The following SCFD1 variants were observed in gnomAD, a reference collection of about 807,000 sequenced individuals.
SCFD1 encodes the protein sec1 family domain-containing protein 1.
A neutral mutation model predicts 103.2 loss-of-function variants in SCFD1; 37 were observed. The observed-to-expected ratio is 0.36, with a 90% CI of 0.28 to 0.47. The LOEUF is 0.47. Among genes scored for constraint, SCFD1 ranks in the 20% least tolerant of loss-of-function variants. The pLI, the probability that SCFD1 is intolerant of heterozygous loss-of-function variation, is 1.00. For synonymous variants in SCFD1, 264 were observed against 245.0 expected (o/e 1.08, Z -0.73); for missense variants, 639 against 761.2 (o/e 0.84, Z 1.89).
chr14:30,670,722 A>AT (rs919928776), intron 11 of SCFD1, among the ~76,000 whole-genome samples: 5 of 151,664 alleles, frequency 3.3e-5, no homozygotes. Flanking sequence ...GGCTTTTGTG[A>AT]TTTTGGGGGT....
At chr14:30,648,459 T>G (rs1244387979) in intron 7 of SCFD1, among the ~76,000 whole-genome samples, 1 of 152,246 alleles carries the variant, frequency 6.6e-6, no homozygotes, top group Non-Finnish European at 1.5e-5. Flanking sequence ...TTTCTATTAT[T>G]TAAATTGGTA....
At chr14:30,644,888 C>A (rs910496151) in intron 7 of SCFD1, among the ~76,000 whole-genome samples, 1 of 152,074 alleles carries the variant, frequency 6.6e-6, no homozygotes, top group African/African-American at 2.4e-5. Context: ...TTTTTGGAGA[C>A]TTCAGCATGA....
intron 15 of SCFD1, among the ~76,000 whole-genome samples, chr14:30,698,286 G>A (rs1890835861): frequency 6.6e-6 from 1 of 152,170 alleles, no homozygotes; most frequent in South Asian, 2.1e-4. Flanking sequence ...AGTTGTAAAG[G>A]ACACATGCTG....
chr14:30,622,271 G>A, upstream of SCFD1: 7 of 1,580,756 alleles, frequency 4.4e-6, no homozygotes, highest in Middle Eastern at 1.7e-4. Flanking sequence ...TGCTTCCGGG[G>A]CGGTAAGGGC....
intron 10 of SCFD1, chr14:30,670,020 T>A (rs1372285542): frequency 2.8e-6 from 1 of 360,098 alleles, no homozygotes. Context: ...TCTAGAAGGA[T>A]ACACAAGCAT....
chr14:30,708,728 T>C (rs1485244175), intron 19 of SCFD1, among the ~76,000 whole-genome samples: 1 of 151,944 alleles, frequency 6.6e-6, no homozygotes, highest in Non-Finnish European at 1.5e-5. Context: ...TCTAAAGTCC[T>C]ATGTAAATTG....
chr14:30,645,444 T>G (rs1226296395), intron 7 of SCFD1, among the ~76,000 whole-genome samples: 1 of 152,214 alleles, frequency 6.6e-6, no homozygotes, highest in Non-Finnish European at 1.5e-5. Flanking sequence ...ATTTTAATAT[T>G]GAGTCTTCTT....
chr14:30,682,978 C>CA, intron 14 of SCFD1: 2 of 783,500 alleles, frequency 2.6e-6, no homozygotes, highest in South Asian at 1.9e-5. Flanking sequence ...ACAGAAATCA[C>CA]AAAAAAAGAC....
intron 10 of SCFD1, among the ~76,000 whole-genome samples, chr14:30,665,819 G>C (rs1310075853): frequency 6.6e-6 from 1 of 152,126 alleles, no homozygotes; most frequent in Non-Finnish European, 1.5e-5. Context: ...ATGGTAAAGG[G>C]ATCAATTCAA....
intron 14 of SCFD1, chr14:30,683,426 GA>G: frequency 3.8e-6 from 2 of 519,746 alleles, no homozygotes; most frequent in Admixed American, 2.1e-5. Context: ...CTACCCATGT[GA>G]AAAGGTGGTC....
At chr14:30,673,211 G>C in intron 11 of SCFD1, 46 bp from the exon 12 acceptor site, 1 of 823,506 alleles carries the variant, frequency 1.2e-6, no homozygotes, top group Non-Finnish European at 1.9e-6. Context: ...CACAAAAATT[G>C]GTCTTTTAAT....
intron 14 of SCFD1, among the ~76,000 whole-genome samples, chr14:30,681,824 A>C (rs1594689488): frequency 1.3e-5 from 2 of 152,304 alleles, no homozygotes; most frequent in Middle Eastern, 3.4e-3. Flanking sequence ...AATTAATATC[A>C]GTTACCCTTA....
intron 10 of SCFD1, among the ~76,000 whole-genome samples, chr14:30,663,272 A>G (rs1047236433): frequency 6.6e-6 from 1 of 152,172 alleles, no homozygotes; most frequent in African/African-American, 2.4e-5. Flanking sequence ...TGTCATCACC[A>G]TGGAAATAGT....
intron 7 of SCFD1, among the ~76,000 whole-genome samples, chr14:30,648,745 C>T (rs1886101004): frequency 2.0e-5 from 3 of 152,110 alleles, no homozygotes; most frequent in Admixed American, 6.5e-5. Flanking sequence ...TACAACCTTT[C>T]GAGTAGCTGG....
chr14:30,674,188 A>G (rs1305200288), intron 13 of SCFD1, among the ~76,000 whole-genome samples, 191 bp downstream of exon 13: 3 of 152,160 alleles, frequency 2.0e-5, no homozygotes, highest in Non-Finnish European at 4.4e-5. Context: ...TAGATATAGG[A>G]GATTATTCAT....
At chr14:30,695,865 T>A (rs1890663416) in intron 15 of SCFD1, among the ~76,000 whole-genome samples, 4 of 151,924 alleles carry the variant, frequency 2.6e-5, no homozygotes. Flanking sequence ...GAGCAAGACC[T>A]GGTCTCAAAA....
At chr14:30,657,136 C>T (rs560111275) in intron 10 of SCFD1, among the ~76,000 whole-genome samples, 51 of 151,992 alleles carry the variant, frequency 3.4e-4, no homozygotes, top group African/African-American at 1.1e-3. Context: ...TCTAAAACAC[C>T]GAGATGTCTA....
At chr14:30,710,361 G>GAATT (rs910829159) in intron 19 of SCFD1, among the ~76,000 whole-genome samples, 3 of 131,226 alleles carry the variant, frequency 2.3e-5, no homozygotes, top group Non-Finnish European at 4.7e-5. Flanking sequence ...AAAAAGTTCA[G>GAATT]AATTAGAGAA....
At chr14:30,652,513 A>G (rs1440437624) in intron 9 of SCFD1, 1 of 152,062 alleles carries the variant, frequency 6.6e-6, no homozygotes, top group Non-Finnish European at 1.5e-5. Context: ...TGTTTATAGG[A>G]AAAAAATTAT....
Sources: gnomAD v4.1 joint callset for allele counts (sites outside exome capture counted in the v4.1 genomes callset) on GRCh38, gnomAD v4.1.1 for gene constraint, MANE v1.5 for transcripts, NCBI Gene and HGNC (gene_info 2026-07-23, HGNC 2026-07-21) for gene names.